The following ARMH3 variants were observed in gnomAD, a reference collection of about 807,000 sequenced individuals.
ARMH3 encodes the protein armadillo-like helical domain-containing protein 3.
ARMH3 carries 60 observed loss-of-function variants against 99.1 expected under a neutral mutation model. The ratio of observed to expected loss-of-function variants is 0.61; its 90% confidence interval spans 0.49 to 0.75. The LOEUF (loss-of-function observed/expected upper bound fraction) is 0.75. Among genes scored for constraint, ARMH3 ranks in the 30% least tolerant of loss-of-function variants. The pLI is 0.00. For synonymous variants in ARMH3, 285 were observed against 292.8 expected, an observed-to-expected ratio of 0.97 and a Z score of 0.27; for missense variants, 679 against 843.1, an observed-to-expected ratio of 0.81 and a Z score of 2.41.
intron 23 of ARMH3, among the ~76,000 whole-genome samples, chr10:101,928,127 T>A (rs1260510933): frequency 6.6e-6 from 1 of 152,158 alleles, no homozygotes; most frequent in Non-Finnish European, 1.5e-5. Flanking sequence ...CAAAAAGGAA[T>A]GTTTAATCAT....
intron 8 of ARMH3, among the ~76,000 whole-genome samples, chr10:102,019,699 G>A (rs1434392340): frequency 4.0e-5 from 6 of 151,678 alleles, no homozygotes; most frequent in East Asian, 2.0e-4. Flanking sequence ...AGGCCGAGGC[G>A]GGCGGATCAC....
At chr10:102,042,893 A>C (rs1306546046) in intron 1 of ARMH3, among the ~76,000 whole-genome samples, 2 of 152,168 alleles carry the variant, frequency 1.3e-5, no homozygotes, top group African/African-American at 4.8e-5. Flanking sequence ...ACCAACATGC[A>C]GAAACCCCGT....
At chr10:102,015,887 G>A (rs1247148526) in intron 8 of ARMH3, among the ~76,000 whole-genome samples, 1 of 152,254 alleles carries the variant, frequency 6.6e-6, no homozygotes, top group African/African-American at 2.4e-5. Context: ...TAATCCTAAC[G>A]CTTTGGTAGG....
intron 24 of ARMH3, among the ~76,000 whole-genome samples, chr10:101,885,630 T>C (rs2067521463): frequency 6.6e-6 from 1 of 151,886 alleles, no homozygotes; most frequent in African/African-American, 2.4e-5. Context: ...GTAGGGGAAA[T>C]GGGGAGTAAC....
chr10:101,954,856 A>C (rs1452638976), intron 22 of ARMH3, among the ~76,000 whole-genome samples: 1 of 152,060 alleles, frequency 6.6e-6, no homozygotes, highest in African/African-American at 2.4e-5. Context: ...TTGGACATTC[A>C]CAGGTATCTT....
At position 102,033,181 on chromosome 10, in the gene ARMH3, G is replaced by A. The variant is rs2067173370; in HGVS notation, c.160-9C>T. On this transcript the variant is annotated splice_polypyrimidine_tract_variant and intron_variant, in intron 3 of 25. Transcript: ENST00000370033. Reference sequence around the variant, plus strand: ...AGGTACTCTAAATTCACCTGCCAAGGAAACAAATAAGGGGCAGAGTGCATT... The same window carrying A: ...AGGTACTCTAAATTCACCTGCCAAGAAAACAAATAAGGGGCAGAGTGCATT... The A allele has an allele frequency of 6.8e-6, 11 of 1,614,080 alleles. No homozygotes were observed. Among genetic ancestry groups the A allele is most frequent in the Non-Finnish European group, 8.5e-6 (10 of 1,179,992 alleles).
chr10:101,882,795 C>A (rs1191338544), intron 24 of ARMH3, among the ~76,000 whole-genome samples: 3 of 152,142 alleles, frequency 2.0e-5, no homozygotes, highest in Non-Finnish European at 4.4e-5. Flanking sequence ...CCACACCCAG[C>A]CTAAGTATGA....
intron 14 of ARMH3, 58 bp downstream of exon 14, chr10:102,006,482 C>A: frequency 2.6e-6 from 4 of 1,549,694 alleles, no homozygotes; most frequent in South Asian, 1.1e-5. Context: ...CAGCTATGCT[C>A]ACTCTGAGAG....
chr10:101,934,910 CAA>C (rs2135689615), intron 23 of ARMH3, among the ~76,000 whole-genome samples: 1 of 152,098 alleles, frequency 6.6e-6, no homozygotes, highest in Admixed American at 6.6e-5. Context: ...AGTCTTCAGA[CAA>C]AAGTTTCCAA....
chr10:101,995,321 C>G lies in ARMH3; in HGVS notation c.1185G>C (p.Leu395=). ...CCTCTGCAATACATGTAAGGATAAT[C>G]AGACAGAGTTTGCCACTGTGAAGCC... ...EHRLHSGKLC[L]IILTCIAEDQ... The change falls in exon 16 of 26, where the codon CTG becomes CTC. Residue 395 remains leucine, a synonymous_variant. Transcript: ENST00000370033. 1.2e-6 allele frequency: 2 copies of G among 1,613,966 alleles called. No homozygotes were observed. Among genetic ancestry groups the G allele is most frequent in the Non-Finnish European group, 1.7e-6 (2 of 1,179,890 alleles).
intron 6 of ARMH3, 148 bp from the exon 7 acceptor site, chr10:102,023,897 C>A: frequency 1.4e-6 from 1 of 716,728 alleles, no homozygotes; most frequent in South Asian, 1.8e-5. Flanking sequence ...CCCCTTAAGT[C>A]ATGAGAGTCT....
intron 24 of ARMH3, among the ~76,000 whole-genome samples, chr10:101,888,572 A>G (rs185570427): frequency 3.3e-5 from 5 of 152,352 alleles, no homozygotes; most frequent in African/African-American, 1.2e-4. Flanking sequence ...TGGCTCTGCC[A>G]GCAAGAAGCT....
At chr10:102,036,550 G>A (rs2067278350) in intron 2 of ARMH3, among the ~76,000 whole-genome samples, 1 of 152,158 alleles carries the variant, frequency 6.6e-6, no homozygotes, top group African/African-American at 2.4e-5. Context: ...TCTGCCTTGG[G>A]ATGCTGTTGA....
At chr10:101,978,766 A>C (rs1590122213) in intron 19 of ARMH3, among the ~76,000 whole-genome samples, 1 of 152,014 alleles carries the variant, frequency 6.6e-6, no homozygotes, top group East Asian at 1.9e-4. Flanking sequence ...ATGGTGAAAC[A>C]TCGTCTCTAC....
At chr10:101,994,910 C>G (rs897066632) in intron 16 of ARMH3, among the ~76,000 whole-genome samples, 1 of 152,154 alleles carries the variant, frequency 6.6e-6, no homozygotes, top group South Asian at 2.1e-4. Context: ...GGTGGCACTG[C>G]CTGTAATCCC....
chr10:101,918,334 G>T (rs772550165), intron 23 of ARMH3, among the ~76,000 whole-genome samples: 1 of 152,146 alleles, frequency 6.6e-6, no homozygotes, highest in African/African-American at 2.4e-5. Flanking sequence ...GATTACAGGC[G>T]TAAGCCACTG....
intron 19 of ARMH3, among the ~76,000 whole-genome samples, chr10:101,978,926 C>T (rs1846122190): frequency 6.6e-6 from 1 of 150,684 alleles, no homozygotes; most frequent in Non-Finnish European, 1.5e-5. Context: ...GGCAACAAAG[C>T]GAGACACCAT....
At chr10:101,960,015 T>C (rs973364572) in intron 20 of ARMH3, among the ~76,000 whole-genome samples, 1 of 152,154 alleles carries the variant, frequency 6.6e-6, no homozygotes, top group East Asian at 1.9e-4. Flanking sequence ...CTGTCTCTAC[T>C]AAAATACAAA....
At chr10:101,975,084 A>G in intron 20 of ARMH3, 128 bp downstream of exon 20, 2 of 281,426 alleles carry the variant, frequency 7.1e-6, no homozygotes, top group Admixed American at 5.1e-5. Context: ...AGACAAAAAG[A>G]GTAACTGAAA....
Sources: allele counts gnomAD v4.1 joint callset (sites outside exome capture counted in the v4.1 genomes callset), GRCh38; gene constraint gnomAD v4.1.1; transcripts MANE v1.5; gene names NCBI Gene and HGNC (gene_info 2026-07-23, HGNC 2026-07-21).